The following PDE6B variants were observed in gnomAD, a reference collection of about 807,000 sequenced individuals.
PDE6B encodes rod cGMP-specific 3',5'-cyclic phosphodiesterase subunit beta.
Under a neutral mutation model 109.0 loss-of-function variants are expected in PDE6B, and 106 were observed. That is an observed-to-expected ratio of 0.97 (90% CI 0.83 to 1.14). The LOEUF is 1.14. PDE6B is among the 50% of genes most tolerant of loss of function. PDE6B has a pLI of 0.00. For missense variants in PDE6B, 1,193 were observed against 1,155.6 expected (o/e 1.03, Z -0.47); for synonymous variants, 490 against 471.3 (o/e 1.04, Z -0.51).
At position 633,798 on chromosome 4, in the gene PDE6B, C is replaced by A. The variant is rs1038282919; in HGVS notation, c.469-879C>A. 6.6e-6 allele frequency among the ~76,000 whole-genome samples: 1 copy of A among 152,154 alleles called. No individual in the cohort carries two copies. The highest frequency in any genetic ancestry group is 2.1e-4 in the South Asian group (1 of 4,820). On this transcript the variant is annotated intron_variant, in intron 1 of 21. Coordinates refer to ENST00000496514, the MANE Select transcript of PDE6B (RefSeq NM_000283.4). This position sits in a 1 kb window ranked among gnomAD's most constrained non-coding sequence, Gnocchi z 4.5. Reference sequence around the variant, plus strand: ...GGCCTCATGTAAACAAATGTCAGAACCAGGAAGTAAGAGGAGGGTCTGGGG... The same window carrying A: ...GGCCTCATGTAAACAAATGTCAGAAACAGGAAGTAAGAGGAGGGTCTGGGG...
At chr4:656,391 C>A (rs1341397820) in intron 8 of PDE6B, 99 bp downstream of exon 8, 2 of 854,812 alleles carry the variant, frequency 2.3e-6, no homozygotes, top group African/African-American at 3.3e-5. Context: ...ACTTAAAAAA[C>A]AACTTCAGCC....
At chr4:659,635 T>C (rs1216672253) in intron 11 of PDE6B, among the ~76,000 whole-genome samples, 3 of 149,324 alleles carry the variant, frequency 2.0e-5, no homozygotes, top group African/African-American at 7.3e-5. Context: ...TGCACATGTG[T>C]ACACATGTGT....
rs779171480 is a variant in PDE6B, at chr4:656,984, CG to C, written c.1221del (p.Lys408SerfsTer14). 2 of 1,613,248 alleles carry C rather than the reference CG, an allele frequency of 1.2e-6. No individual in the cohort carries two copies. The highest frequency in any genetic ancestry group is 3.3e-5 in the Admixed American group (2 of 60,028). On this transcript the variant is annotated frameshift_variant, in exon 9 of 22. Transcript: ENST00000496514. LOFTEE classifies it high-confidence loss of function. ...TCGCCACATTTTACAACAGGAAAGA[CG>C]GGAAGCCCTTTGACGAACAGGACGA... ...GVATFYNRKD[G>X]KPFDEQDEVL...
chr4:656,774 C>A, intron 8 of PDE6B, 100 bp from the exon 9 acceptor site: 1 of 1,111,696 alleles, frequency 9.0e-7, no homozygotes, highest in Non-Finnish European at 1.4e-6. Flanking sequence ...CCAGCCGTCA[C>A]GGCTCTAGGG....
chr4:668,021 G>C lies in PDE6B; in HGVS notation c.2503+15G>C, dbSNP rs761061365. On this transcript the variant is annotated intron_variant, in intron 21 of 21. Coordinates refer to ENST00000496514, the MANE Select transcript of PDE6B (RefSeq NM_000283.4). ...AGCCAAGAAAGGTCTGGCTCTGTGT[G>C]GCCTGTGGGGCAGGGACTCGGTGAC... 6.2e-7 allele frequency: 1 copy of C among 1,608,586 alleles called. No homozygotes were observed. The highest frequency in any genetic ancestry group is 1.1e-5 in the South Asian group (1 of 90,964).
In PDE6B at chr4:634,693, C is replaced by T. The variant is rs772012465; in HGVS notation, c.485C>T (p.Ser162Leu). ...EDVAECPHFS[S>L]FADELTDYKT... ...TTGCGGCAGTGCCCTCACTTCAGCT[C>T]ATTTGCTGACGAGCTCACTGACTAC... is the stretch of plus-strand genomic sequence containing the variant. Residue 162 changes from serine to leucine, a missense_variant, in exon 2 of 22, where the codon TCA (serine) becomes TTA (leucine). Ser to Leu is a moderately radical substitution (Grantham distance 145, BLOSUM62 -2). Transcript: ENST00000496514. The T allele has an allele frequency of 1.6e-5, 25 of 1,612,708 alleles. No individual in the cohort carries two copies. The East Asian group carries it at 3.8e-4, about 24-fold the overall frequency.
intron 1 of PDE6B, among the ~76,000 whole-genome samples, chr4:631,941 G>A (rs575100856): frequency 6.6e-6 from 1 of 151,846 alleles, no homozygotes; most frequent in Non-Finnish European, 1.5e-5. Context: ...GGGTCATCCT[G>A]TGTGGAACTG....
At chr4:658,521 G>A (rs1230536027) in intron 10 of PDE6B, among the ~76,000 whole-genome samples, 1 of 151,956 alleles carries the variant, frequency 6.6e-6, no homozygotes, top group African/African-American at 2.4e-5. Context: ...CTGTGCAGTG[G>A]GCGGCCAGGT....
In PDE6B at chr4:654,920, G is replaced by C. The variant is rs10027549; in HGVS notation, c.992+32G>C. 160,284 of 1,267,926 alleles carry C rather than the reference G, an allele frequency of 0.13. 11,652 individuals are homozygous for C. The highest frequency in any genetic ancestry group is 0.28 in the African/African-American group (19,314 of 68,454). The allele number at this position is 1,267,926 out of a possible 1,614,324, so 78.5% of individuals were successfully genotyped here. On this transcript the variant is annotated intron_variant, in intron 6 of 21. Coordinates refer to ENST00000496514, the MANE Select transcript of PDE6B (RefSeq NM_000283.4). Reference sequence around the variant, plus strand: ...GCAGGATTTTACCAGAAGCGTCCCCGGGGGAGGGACCGCCCCTCAGACCCC... The same window carrying C: ...GCAGGATTTTACCAGAAGCGTCCCCCGGGGAGGGACCGCCCCTCAGACCCC...
At position 666,691 on chromosome 4, in the gene PDE6B, G is replaced by A. The variant is rs373137220; in HGVS notation, c.2352+77G>A. 3.0e-5 allele frequency: 29 copies of A among 952,680 alleles called. No individual in the cohort carries two copies. Among genetic ancestry groups the A allele is most frequent in the South Asian group, 9.1e-5 (7 of 77,186 alleles). The allele number at this position is 952,680 out of a possible 1,614,324, so 59.0% of individuals were successfully genotyped here. A position where few individuals can be genotyped will look rare whatever the true frequency, so the allele number is the denominator to read the frequency against. ...AGGCAAGGGGGCGCGGGCTGGAGTC[G>A]CGTGGACTCACACGGGCCCGGCGGT... is the stretch of plus-strand genomic sequence containing the variant. On this transcript the variant is annotated intron_variant, in intron 20 of 21. Coordinates refer to ENST00000496514, the MANE Select transcript of PDE6B (RefSeq NM_000283.4). This position sits in a 1 kb window ranked among gnomAD's most constrained non-coding sequence, Gnocchi z 5.6.
intron 11 of PDE6B, 138 bp from the exon 12 acceptor site, chr4:660,329 A>G (rs1577292157): frequency 5.8e-6 from 5 of 857,866 alleles, no homozygotes. Context: ...TACAGGCTGG[A>G]GCGCCAGGAA....
Position 625,932 on chromosome 4 carries a change from C to T in PDE6B, c.306C>T (p.Gly102=), listed in dbSNP as rs201939549. ...CSLFMYRQRN[G]VAELATRLFS... ...TCTTCATGTACCGCCAGCGCAACGG[C>T]GTGGCCGAGCTGGCCACCAGGCTTT... Residue 102 remains glycine (G), a synonymous_variant, in exon 1 of 22, where the codon GGC becomes GGT. Coordinates refer to ENST00000496514, the MANE Select transcript of PDE6B (RefSeq NM_000283.4). The surrounding 1 kb of genome is among the most constrained non-coding windows in gnomAD (Gnocchi z 5.0). The T allele has an allele frequency of 2.7e-5, 43 of 1,594,380 alleles. No individual in the cohort carries two copies. Among genetic ancestry groups the T allele is most frequent in the African/African-American group, 2.1e-4 (16 of 74,656 alleles).
In PDE6B at chr4:656,979, A is replaced by G; in HGVS notation, c.1213A>G (p.Lys405Glu). 4 of 1,613,286 alleles carry G rather than the reference A, an allele frequency of 2.5e-6. No homozygotes were observed. The highest frequency in any genetic ancestry group is 2.5e-6 in the Non-Finnish European group (3 of 1,179,940). The change falls in exon 9 of 22, where the codon AAA becomes GAA. Residue 405 changes from lysine to glutamate, a missense_variant. By Grantham distance (56) the Lys-to-Glu change is moderately conservative (BLOSUM62 1). Coordinates refer to ENST00000496514, the MANE Select transcript of PDE6B (RefSeq NM_000283.4). ...GGGAGTCGCCACATTTTACAACAGG[A>G]AAGACGGGAAGCCCTTTGACGAACA... is the stretch of plus-strand genomic sequence containing the variant. The part of the protein sequence containing the change: ...IVGVATFYNR[K>E]DGKPFDEQDE...
rs1737303524 is a variant in PDE6B, at chr4:663,060, G to T, written c.1833-40G>T. ...CTGCAGAGCGCAGGGTGGGCCAAGGGCAGGTCCCACGGGCCTCACCTCCAC... is the reference window on the plus strand; with the variant it reads ...CTGCAGAGCGCAGGGTGGGCCAAGGTCAGGTCCCACGGGCCTCACCTCCAC... On this transcript the variant is annotated intron_variant, in intron 14 of 21. Transcript: ENST00000496514. This position sits in a 1 kb window ranked among gnomAD's most constrained non-coding sequence, Gnocchi z 4.0. The T allele has an allele frequency of 8.5e-7, 1 of 1,170,570 alleles. No individual in the cohort carries two copies. The highest frequency in any genetic ancestry group is 1.7e-5 in the Admixed American group (1 of 59,494). The allele number at this position is 1,170,570 out of a possible 1,614,324, so 72.5% of individuals were successfully genotyped here. A position where few individuals can be genotyped will look rare whatever the true frequency, so the allele number is the denominator to read the frequency against.
In PDE6B at chr4:663,927, C is replaced by A; in HGVS notation, c.2021+57C>A. On this transcript the variant is annotated intron_variant, in intron 16 of 21. Transcript: ENST00000496514. This position sits in a 1 kb window ranked among gnomAD's most constrained non-coding sequence, Gnocchi z 4.0. ...GGGCGGGCGGGTAGCCTGGGACCCC[C>A]GGCAGACACGGGGGCGCAGCGGCGG... 7.6e-7 allele frequency: 1 copy of A among 1,314,050 alleles called. No homozygotes were observed. The highest frequency in any genetic ancestry group is 1.1e-6 in the Non-Finnish European group (1 of 934,182). 81.4% of individuals were successfully genotyped at this position (1,314,050 alleles called of 1,614,324 possible). A position where few individuals can be genotyped will look rare whatever the true frequency, so the allele number is the denominator to read the frequency against.
At chr4:654,786 G>T (rs1736005256) in intron 5 of PDE6B, 38 bp from the exon 6 acceptor site, 1 of 1,123,610 alleles carries the variant, frequency 8.9e-7, no homozygotes, top group Admixed American at 1.7e-5. Flanking sequence ...TCAGAGCTTG[G>T]CCAGGCAGCC....
Position 654,628 on chromosome 4 carries a change from GGT to G in PDE6B, c.928-192_928-191del, listed in dbSNP as rs1735978549. 2.3e-5 allele frequency: 15 copies of G among 664,790 alleles called. No homozygotes were observed. In the East Asian group the frequency reaches 4.0e-4, roughly 18 times the overall value. The allele number at this position is 664,790 out of a possible 1,614,324, so 41.2% of individuals were successfully genotyped here. A position where few individuals can be genotyped will look rare whatever the true frequency, so the allele number is the denominator to read the frequency against. ...CTGAGCCTGTGCATGTGTGGACATG[GGT>G]GTGAGTGCACCCGCATTCGTAGAAT... On this transcript the variant is annotated intron_variant, in intron 5 of 21. Transcript: ENST00000496514.
In PDE6B at chr4:660,471, A is replaced by G; in HGVS notation, c.1472A>G (p.Glu491Gly). Reference sequence around the variant, plus strand: ...AGCCCACAATCCCTCCCACAGAAGGAGGAGCTGCCAGGGCCCACCACATTT... The same window carrying G: ...AGCCCACAATCCCTCCCACAGAAGGGGGAGCTGCCAGGGCCCACCACATTT... ...DEDELGEILK[E>G]ELPGPTTFDI... The change falls in exon 12 of 22, where the codon GAG becomes GGG. Residue 491 changes from glutamate (E) to glycine (G), a missense_variant. By Grantham distance (98) the Glu-to-Gly change is moderately conservative (BLOSUM62 -2). Transcript: ENST00000496514. 6.2e-7 allele frequency: 1 copy of G among 1,613,868 alleles called. No individual in the cohort carries two copies. The highest frequency in any genetic ancestry group is 8.5e-7 in the Non-Finnish European group (1 of 1,179,960).
chr4:657,426 A>G lies in PDE6B; in HGVS notation c.1333A>G (p.Lys445Glu), dbSNP rs1424672145. ...CAAGATGAACAAGCTGGAGAACCGC[A>G]AGGACATCGCACAGGACATGGTCCT... ...YDKMNKLENRKDIAQDMVLYH... is the reference protein window; with the variant it reads ...YDKMNKLENREDIAQDMVLYH... Residue 445 changes from lysine (K) to glutamate (E), a missense_variant, in exon 10 of 22, where the codon AAG (lysine) becomes GAG (glutamate). Transcript: ENST00000496514. 3 of 1,613,268 alleles carry G rather than the reference A, an allele frequency of 1.9e-6. No individual in the cohort carries two copies. Among genetic ancestry groups the G allele is most frequent in the East Asian group, 4.5e-5 (2 of 44,886 alleles).
Sources: gnomAD v4.1 joint callset for allele counts (sites outside exome capture counted in the v4.1 genomes callset) on GRCh38, gnomAD v4.1.1 for gene constraint, Gnocchi (gnomAD v3.1) non-coding constraint, MANE v1.5 for transcripts, NCBI Gene and HGNC (gene_info 2026-07-23, HGNC 2026-07-21) for gene names.